NUP133: variants seen among roughly 807,000 people sequenced by gnomAD.
The protein encoded by NUP133 is nuclear pore complex protein Nup133.
In NUP133, 66 loss-of-function variants were observed where a neutral mutation model predicts 146.2. The observed-to-expected ratio is 0.45, with a 90% CI of 0.37 to 0.55. NUP133 has a LOEUF of 0.55. NUP133 is among the 20% of genes least tolerant of loss of function. The pLI is 0.00. For missense variants in NUP133, 1,277 were observed against 1,374.8 expected, an observed-to-expected ratio of 0.93 and a Z score of 1.12; for synonymous variants, 521 against 498.8, an observed-to-expected ratio of 1.04 and a Z score of -0.59.
At position 229,506,456 on chromosome 1, in the gene NUP133, T is replaced by G. The variant is rs535932960; in HGVS notation, c.183-298A>C. ...AGGCTTAACTAGACCAGTGTTTTTT[T>G]TTTTTTTTTTTCAAACAGCGGGTCA... On this transcript the variant is annotated intron_variant, in intron 1 of 25. Coordinates refer to ENST00000261396, the MANE Select transcript of NUP133 (RefSeq NM_018230.3). Among the ~76,000 whole-genome samples, 52 of 151,758 alleles carry G rather than the reference T, an allele frequency of 3.4e-4. No individual in the cohort carries two copies. The East Asian group carries it at 4.1e-3, about 12-fold the overall frequency.
At chr1:229,449,851 T>TATATATATATATATATATATA (rs1660401047) in intron 23 of NUP133, among the ~76,000 whole-genome samples, 2 of 67,622 alleles carry the variant, frequency 3.0e-5, no homozygotes, top group Admixed American at 2.0e-4. Context: ...TATGAAGATT[T>TATATATATATATATATATATA]TATATATATA....
chr1:229,484,395 A>G (rs1007205902), intron 11 of NUP133, among the ~76,000 whole-genome samples: 10 of 152,196 alleles, frequency 6.6e-5, no homozygotes, highest in African/African-American at 2.4e-4. Context: ...TTTATGTTTC[A>G]AGCAAGTTTA....
At chr1:229,442,121 C>A (rs571978216) in intron 25 of NUP133, 81 bp from the exon 26 acceptor site, 4 of 1,337,870 alleles carry the variant, frequency 3.0e-6, no homozygotes, top group Admixed American at 2.7e-5. Flanking sequence ...GACAAAAGCA[C>A]CTGTGCTTCT....
At chr1:229,471,669 A>C (rs1392152260) in intron 14 of NUP133, among the ~76,000 whole-genome samples, 1 of 152,194 alleles carries the variant, frequency 6.6e-6, no homozygotes, top group Non-Finnish European at 1.5e-5. Flanking sequence ...TGAACTAGGA[A>C]AGAGCCAAAA....
chr1:229,442,691 G>T (rs1660209833), intron 25 of NUP133, among the ~76,000 whole-genome samples: 1 of 150,480 alleles, frequency 6.6e-6, no homozygotes, highest in African/African-American at 2.4e-5. Flanking sequence ...AAAACTCAAA[G>T]GGCCTTGCAT....
Position 229,484,074 on chromosome 1 carries a change from A to C in NUP133, c.1572T>G (p.Ala524=). Residue 524 remains alanine, a synonymous_variant, in exon 12 of 26, where the codon GCT becomes GCG. Coordinates refer to ENST00000261396, the MANE Select transcript of NUP133 (RefSeq NM_018230.3). ...TATACCTGCAGTATTGCAGAAAGGC[A>C]GCTTTCAGCAACTTGATTTTATCTT... ...AQEDKIKLLK[A]AFLQYCRKDL... 1 of 1,611,598 alleles carries C rather than the reference A, an allele frequency of 6.2e-7. No homozygotes were observed. The highest frequency in any genetic ancestry group is 8.5e-7 in the Non-Finnish European group (1 of 1,177,942).
At chr1:229,501,596 T>C (rs952536960) in intron 3 of NUP133, among the ~76,000 whole-genome samples, 2 of 152,246 alleles carry the variant, frequency 1.3e-5, no homozygotes, top group Non-Finnish European at 2.9e-5. Flanking sequence ...GCAACTGGTA[T>C]CATATTTTCT....
Position 229,498,292 on chromosome 1 carries a change from A to T in NUP133, c.663T>A (p.Ile221=), listed in dbSNP as rs146064281. The change falls in exon 6 of 26, where the codon ATT becomes ATA. Residue 221 remains isoleucine (I), a synonymous_variant. Coordinates refer to ENST00000261396, the MANE Select transcript of NUP133 (RefSeq NM_018230.3). ...TTAGTTGGCTTCCTGATGAAGACAA[A>T]ATAAAACTTCCTCCCTGTGAAAAAA... ...FLTAVQGGSF[I]LSSSGSQLIR... The T allele has an allele frequency of 4.8e-4, 758 of 1,582,334 alleles. 5 individuals carry two copies. The African/African-American group carries it at 9.1e-3, about 19-fold the overall frequency.
intron 22 of NUP133, 22 bp from the exon 23 acceptor site, chr1:229,450,627 T>C (rs1395519072): frequency 6.5e-6 from 8 of 1,235,902 alleles, no homozygotes; most frequent in Non-Finnish European, 8.1e-6. Context: ...TAAAATAAGG[T>C]AGAAGATTAT....
At position 229,495,983 on chromosome 1, in the gene NUP133, C is replaced by T; in HGVS notation, c.884G>A (p.Ser295Asn). 2 of 1,611,946 alleles carry T rather than the reference C, an allele frequency of 1.2e-6. No individual in the cohort carries two copies. Among genetic ancestry groups the T allele is most frequent in the Non-Finnish European group, 1.7e-6 (2 of 1,178,968 alleles). Residue 295 changes from serine (S) to asparagine (N), a missense_variant, in exon 7 of 26, where the codon AGT becomes AAT. Physicochemically the swap from Ser to Asn is conservative, Grantham distance 46. Coordinates refer to ENST00000261396, the MANE Select transcript of NUP133 (RefSeq NM_018230.3). ...SFYSLTSSNISKWELDDSSEK... is the reference protein window; with the variant it reads ...SFYSLTSSNINKWELDDSSEK... ...TGAAGAATCATCTAATTCCCATTTA[C>T]TGATGTTTGAACTCGTCAGGCTATA...
At chr1:229,447,771 C>T (rs1430498131) in intron 24 of NUP133, among the ~76,000 whole-genome samples, 1 of 152,282 alleles carries the variant, frequency 6.6e-6, no homozygotes, top group African/African-American at 2.4e-5. Flanking sequence ...GTTCCAAGCC[C>T]CTTCCCCTAT....
At chr1:229,477,903 G>T in intron 12 of NUP133, 143 bp from the exon 13 acceptor site, 1 of 571,552 alleles carries the variant, frequency 1.7e-6, no homozygotes, top group Non-Finnish European at 3.1e-6. Context: ...TGGAACTGGA[G>T]GACATGTTAA....
chr1:229,486,136 T>C (rs1558103198), intron 11 of NUP133, among the ~76,000 whole-genome samples: 1 of 151,984 alleles, frequency 6.6e-6, no homozygotes, highest in Non-Finnish European at 1.5e-5. Flanking sequence ...CACTGCACTC[T>C]AGCCTGGGCA....
chr1:229,489,966 G>A lies in NUP133; in HGVS notation c.1183C>T (p.Pro395Ser). ...AATATAAATCTTACCTGAAAAGGTG[G>A]ATTATATTGAGTGACTTCTACAGTA... is the stretch of plus-strand genomic sequence containing the variant. Reference protein sequence around the residue: ...AVTVEVTQYNPPFQSEDLILC... With the variant: ...AVTVEVTQYNSPFQSEDLILC... Residue 395 changes from proline to serine, a missense_variant, in exon 9 of 26, where the codon CCA becomes TCA. Coordinates refer to ENST00000261396, the MANE Select transcript of NUP133 (RefSeq NM_018230.3). 1 of 1,594,746 alleles carries A rather than the reference G, an allele frequency of 6.3e-7. No individual in the cohort carries two copies. Among genetic ancestry groups the A allele is most frequent in the Non-Finnish European group, 8.5e-7 (1 of 1,170,730 alleles).
chr1:229,448,255 C>T (rs887853810), intron 24 of NUP133, among the ~76,000 whole-genome samples: 8 of 152,092 alleles, frequency 5.3e-5, no homozygotes, highest in Non-Finnish European at 8.8e-5. Context: ...ATGGTGAAAC[C>T]CTATCTCTAC....
intron 1 of NUP133, among the ~76,000 whole-genome samples, chr1:229,506,836 A>C (rs1434815600): frequency 6.6e-6 from 1 of 151,444 alleles, no homozygotes. Flanking sequence ...AAAAAAAAAA[A>C]AAAACTATCA....
chr1:229,496,003 G>A lies in NUP133; in HGVS notation c.864C>T (p.Ser288=). ...ATTTACTGATGTTTGAACTCGTCAG[G>A]CTATAAAAGCTTGATCTCTCTCTAT... is the stretch of plus-strand genomic sequence containing the variant. ...LWDRERSSFY[S]LTSSNISKWE... The change falls in exon 7 of 26, where the codon AGC becomes AGT. Residue 288 remains serine (S), a synonymous_variant. Transcript: ENST00000261396. 1 of 1,607,282 alleles carries A rather than the reference G, an allele frequency of 6.2e-7. No individual in the cohort carries two copies. The highest frequency in any genetic ancestry group is 8.5e-7 in the Non-Finnish European group (1 of 1,177,810).
At chr1:229,491,368 G>C (rs1482668472) in intron 8 of NUP133, among the ~76,000 whole-genome samples, 1 of 152,182 alleles carries the variant, frequency 6.6e-6, no homozygotes, top group African/African-American at 2.4e-5. Context: ...TTTACCTCCA[G>C]ACACGATGGC....
At chr1:229,444,303 C>T (rs1434924210) in intron 25 of NUP133, among the ~76,000 whole-genome samples, 1 of 151,992 alleles carries the variant, frequency 6.6e-6, no homozygotes, top group Non-Finnish European at 1.5e-5. Flanking sequence ...TGCACTCCAG[C>T]CTGGGCAACA....
Sources: gnomAD v4.1 joint callset for allele counts (sites outside exome capture counted in the v4.1 genomes callset) on GRCh38, gnomAD v4.1.1 for gene constraint, MANE v1.5 for transcripts, NCBI Gene and HGNC (gene_info 2026-07-23, HGNC 2026-07-21) for gene names.